KAZN: variants seen among roughly 807,000 people sequenced by gnomAD.
KAZN encodes the protein kazrin, periplakin interacting protein.
In KAZN, 40 loss-of-function variants were observed where a neutral mutation model predicts 87.4. The ratio of observed to expected loss-of-function variants is 0.46; its 90% confidence interval spans 0.36 to 0.60. The LOEUF (loss-of-function observed/expected upper bound fraction) is 0.60. KAZN is among the 20% of genes least tolerant of loss of function. The probability of loss-of-function intolerance (pLI) is 0.00; values close to 1 mark genes in which losing one functional copy is unlikely to be tolerated. For synonymous variants in KAZN, 466 were observed against 458.3 expected (o/e 1.02, Z -0.22); for missense variants, 898 against 1,073.9 (o/e 0.84, Z 2.29).
At chr1:13,972,216 T>G (rs1642161150) in intron 1 of KAZN, among the ~76,000 whole-genome samples, 1 of 151,722 alleles carries the variant, frequency 6.6e-6, no homozygotes. Context: ...AAGACTCCAA[T>G]AAAATACTAA....
At chr1:14,211,418 G>C (rs1027040894) in intron 2 of KAZN, among the ~76,000 whole-genome samples, 1 of 152,126 alleles carries the variant, frequency 6.6e-6, no homozygotes, top group Non-Finnish European at 1.5e-5. Context: ...TAGAGACAGA[G>C]TTTCATTGTG....
intron 1 of KAZN, among the ~76,000 whole-genome samples, chr1:14,698,551 C>A (rs1236084506): frequency 1.3e-5 from 2 of 152,250 alleles, no homozygotes; most frequent in African/African-American, 4.8e-5. Context: ...CAGGGCCCAG[C>A]TCAAATGCCA....
At chr1:14,639,333 C>T (rs1003531519) in intron 1 of KAZN, among the ~76,000 whole-genome samples, 1 of 152,160 alleles carries the variant, frequency 6.6e-6, no homozygotes. Context: ...AAGCGGGAAA[C>T]GAATTGACCA....
At chr1:14,099,754 C>T (rs560934375) in intron 1 of KAZN, among the ~76,000 whole-genome samples, 14,174 of 152,142 alleles carry the variant, frequency 0.093, 2,066 homozygotes, top group African/African-American at 0.31. Context: ...TAAAAGTGGC[C>T]GCTTTCTGCT....
intron 2 of KAZN, among the ~76,000 whole-genome samples, chr1:14,229,487 G>A (rs1404517199): frequency 2.0e-5 from 3 of 152,166 alleles, no homozygotes; most frequent in Non-Finnish European, 4.4e-5. Context: ...ATATTGGTGA[G>A]GAGAAATGCA....
chr1:14,770,762 C>T (rs143112736), intron 1 of KAZN, among the ~76,000 whole-genome samples: 102 of 152,238 alleles, frequency 6.7e-4, no homozygotes, highest in South Asian at 2.7e-3. Flanking sequence ...TTTTCAAACA[C>T]GTTAGGCCTT....
chr1:14,286,751 C>T (rs1029698457), intron 2 of KAZN, among the ~76,000 whole-genome samples: 1 of 152,150 alleles, frequency 6.6e-6, no homozygotes, highest in Non-Finnish European at 1.5e-5. Flanking sequence ...CTTGATGTAA[C>T]ACAAAATTCA....
At chr1:14,058,173 A>T (rs777985105) in intron 1 of KAZN, among the ~76,000 whole-genome samples, 12 of 151,914 alleles carry the variant, frequency 7.9e-5, no homozygotes, top group Non-Finnish European at 1.5e-4. Context: ...CCACTATCCC[A>T]TAGGTCCAAC....
At chr1:14,866,508 T>C (rs762299183) in intron 1 of KAZN, among the ~76,000 whole-genome samples, 1 of 151,844 alleles carries the variant, frequency 6.6e-6, no homozygotes, top group Non-Finnish European at 1.5e-5. Context: ...GCAGGAGGAG[T>C]GTTTGAATCC....
In KAZN at chr1:14,424,694, C is replaced by A. The variant is rs972628623; in HGVS notation, c.250-174289C>A. Among the ~76,000 whole-genome samples the A allele has an allele frequency of 4.7e-4, 71 of 152,194 alleles. 1 individual carries two copies. Among genetic ancestry groups the A allele is most frequent in the Admixed American group, 1.8e-3 (27 of 15,284 alleles). ...GAAGGGATTCTAGATGTTTACATTG[C>A]AAAGAACCCATTTTCTCATCTAACT... is the stretch of plus-strand genomic sequence containing the variant. On this transcript the variant is annotated intron_variant, in intron 2 of 16. Coordinates refer to the KAZN transcript ENST00000636203.
At chr1:15,020,637 A>G (rs1293266264) in intron 2 of KAZN, among the ~76,000 whole-genome samples, 1 of 152,104 alleles carries the variant, frequency 6.6e-6, no homozygotes, top group Non-Finnish European at 1.5e-5. Context: ...GCCATCCACC[A>G]TGTGAAGGGA....
chr1:14,679,294 T>C (rs1458057068), intron 1 of KAZN, among the ~76,000 whole-genome samples: 3 of 151,988 alleles, frequency 2.0e-5, no homozygotes, highest in South Asian at 4.1e-4. Context: ...CTTTTTTTTT[T>C]TGGAAGGAAT....
At chr1:15,052,275 C>G (rs1027175663) in intron 4 of KAZN, among the ~76,000 whole-genome samples, 1 of 152,072 alleles carries the variant, frequency 6.6e-6, no homozygotes, top group Non-Finnish European at 1.5e-5. Flanking sequence ...GGAGGCCTCA[C>G]AATCATAGTG....
intron 2 of KAZN, among the ~76,000 whole-genome samples, chr1:14,563,415 C>T (rs72647608): frequency 0.19 from 29,444 of 152,148 alleles, 3,137 homozygotes; most frequent in Middle Eastern, 0.29. Flanking sequence ...CAGGCCTTTC[C>T]CTAGACCACA....
intron 1 of KAZN, among the ~76,000 whole-genome samples, chr1:14,824,878 G>A (rs1307462384): frequency 6.6e-6 from 1 of 152,220 alleles, no homozygotes; most frequent in Non-Finnish European, 1.5e-5. Context: ...AGATATTTTG[G>A]TTTGAAGTGT....
intron 2 of KAZN, among the ~76,000 whole-genome samples, chr1:14,480,277 C>A (rs745629695): frequency 1.3e-5 from 2 of 152,302 alleles, no homozygotes; most frequent in Admixed American, 6.5e-5. Context: ...GTGGGCTCTG[C>A]GCATATGCAG....
chr1:14,476,507 G>A (rs531793911), intron 2 of KAZN, among the ~76,000 whole-genome samples: 1 of 152,294 alleles, frequency 6.6e-6, no homozygotes, highest in South Asian at 2.1e-4. Flanking sequence ...TCTATCAGAA[G>A]ACAGACAACA....
At chr1:14,342,795 C>A (rs940697274) in intron 2 of KAZN, among the ~76,000 whole-genome samples, 1 of 152,184 alleles carries the variant, frequency 6.6e-6, no homozygotes, top group Non-Finnish European at 1.5e-5. Context: ...TCTGAGGGAG[C>A]TGCACTTGTC....
intron 3 of KAZN, among the ~76,000 whole-genome samples, chr1:15,043,378 G>C (rs1280803650): frequency 6.6e-6 from 1 of 152,208 alleles, no homozygotes; most frequent in Non-Finnish European, 1.5e-5. Flanking sequence ...AGAATTCTTT[G>C]AAACAAGTAG....
Sources: gnomAD v4.1 joint callset for allele counts (sites outside exome capture counted in the v4.1 genomes callset) on GRCh38, gnomAD v4.1.1 for gene constraint, MANE v1.5 for transcripts, NCBI Gene and HGNC (gene_info 2026-07-23, HGNC 2026-07-21) for gene names.